PCDHGB2: variants seen among roughly 807,000 people sequenced by gnomAD.
PCDHGB2 encodes the protein protocadherin gamma-B2.
In PCDHGB2, 55 loss-of-function variants were observed where a neutral mutation model predicts 59.3. The observed-to-expected ratio is 0.93, with a 90% confidence interval of 0.75 to 1.16. The LOEUF is 1.16. Ranked by LOEUF, PCDHGB2 falls within the 50% of genes most tolerant of loss-of-function variation. The pLI, the probability that PCDHGB2 is intolerant of heterozygous loss-of-function variation, is 0.00. For missense variants in PCDHGB2, 1,228 were observed against 1,198.5 expected, an observed-to-expected ratio of 1.02 and a Z score of -0.36; for synonymous variants, 516 against 512.0, an observed-to-expected ratio of 1.01 and a Z score of -0.11.
chr5:141,420,301 CT>C, intron 1 of PCDHGB2: 1 of 1,462,308 alleles, frequency 6.8e-7, no homozygotes, highest in Non-Finnish European at 9.2e-7. Flanking sequence ...GTATTTAATC[CT>C]TTTTATATTA....
At chr5:141,450,364 T>G (rs2098678485) in intron 1 of PCDHGB2, among the ~76,000 whole-genome samples, 1 of 152,188 alleles carries the variant, frequency 6.6e-6, no homozygotes, top group Admixed American at 6.5e-5. Flanking sequence ...TCCTCAGCCT[T>G]GTTTGTTTAT....
At chr5:141,389,326 C>T (rs763831269) in intron 1 of PCDHGB2, 1 of 1,613,994 alleles carries the variant, frequency 6.2e-7, no homozygotes, top group Admixed American at 1.7e-5. Flanking sequence ...GACTTGGGGC[C>T]CAACGGCCAA....
chr5:141,460,912 G>GTGTA (rs145509489), intron 1 of PCDHGB2, among the ~76,000 whole-genome samples: 34,285 of 149,232 alleles, frequency 0.23, 4,672 homozygotes, highest in African/African-American at 0.39. Flanking sequence ...ATTCCATGGT[G>GTGTA]TATATATATA....
intron 3 of PCDHGB2, 149 bp downstream of exon 3, chr5:141,505,630 A>T: frequency 6.8e-7 from 1 of 1,480,262 alleles, no homozygotes; most frequent in East Asian, 2.4e-5. Flanking sequence ...AATTCCAAAC[A>T]TAAAGCCTGG....
Position 141,489,375 on chromosome 5 carries a change from G to C in PCDHGB2, c.2422-5432G>C. On this transcript the variant is annotated intron_variant, in intron 1 of 3. Coordinates refer to ENST00000522605, the MANE Select transcript of PCDHGB2 (RefSeq NM_018923.3). The surrounding 1 kb of genome is among the most constrained non-coding windows in gnomAD (Gnocchi z 4.5). ...AGGAGTCTGAGCCGGGGACGCTGGT[G>C]GGGAATGTTGCTCAGGATCTGGGCT... 1 of 1,613,826 alleles carries C rather than the reference G, an allele frequency of 6.2e-7. No homozygotes were observed.
At chr5:141,395,077 A>C (rs2093162583) in intron 1 of PCDHGB2, 1 of 1,614,024 alleles carries the variant, frequency 6.2e-7, no homozygotes, top group South Asian at 1.1e-5. Context: ...ACCTATTCCC[A>C]GGAAGTCTCC....
intron 1 of PCDHGB2, chr5:141,389,398 T>C (rs1384148422): frequency 1.2e-6 from 2 of 1,613,536 alleles, no homozygotes; most frequent in East Asian, 4.5e-5. Flanking sequence ...TACGTGTCCA[T>C]AAGCGCGGAG....
In PCDHGB2 at chr5:141,476,012, T is replaced by C. The variant is rs2099383969; in HGVS notation, c.2422-18795T>C. The stretch of plus-strand genomic sequence containing the variant: ...CAAATCAACGGCATCCAGAAAGCCA[T>C]GTCGGACTCGGCGCCCAGCGCCCAA... On this transcript the variant is annotated intron_variant, in intron 1 of 3. Coordinates refer to ENST00000522605, the MANE Select transcript of PCDHGB2 (RefSeq NM_018923.3). This position sits in a 1 kb window ranked among gnomAD's most constrained non-coding sequence, Gnocchi z 7.6. 7.6e-7 allele frequency: 1 copy of C among 1,317,178 alleles called. No individual in the cohort carries two copies. The highest frequency in any genetic ancestry group is 1.4e-5 in the South Asian group (1 of 69,696). The allele number at this position is 1,317,178 out of a possible 1,614,324, so 81.6% of individuals were successfully genotyped here. A position where few individuals can be genotyped will look rare whatever the true frequency, so the allele number is the denominator to read the frequency against.
Position 141,431,359 on chromosome 5 carries a change from G to A in PCDHGB2, c.2422-63448G>A. 1 of 1,614,024 alleles carries A rather than the reference G, an allele frequency of 6.2e-7. No homozygotes were observed. The highest frequency in any genetic ancestry group is 8.5e-7 in the Non-Finnish European group (1 of 1,180,030). On this transcript the variant is annotated intron_variant, in intron 1 of 3. Transcript: ENST00000522605. This position sits in a 1 kb window ranked among gnomAD's most constrained non-coding sequence, Gnocchi z 4.8. ...CCGAATTGGTGCTGAAACGCGCCCTGGACCGCGAAGAAAAGGCTGCTCACC... is the reference window on the plus strand; with the variant it reads ...CCGAATTGGTGCTGAAACGCGCCCTAGACCGCGAAGAAAAGGCTGCTCACC...
intron 1 of PCDHGB2, among the ~76,000 whole-genome samples, chr5:141,435,219 C>A (rs1226171884): frequency 6.6e-6 from 1 of 152,118 alleles, no homozygotes; most frequent in Non-Finnish European, 1.5e-5. Flanking sequence ...AATTTACTTT[C>A]TTTCAAAGTT....
chr5:141,390,101 CA>C (rs1212774339), intron 1 of PCDHGB2: 8 of 1,613,946 alleles, frequency 5.0e-6, no homozygotes, highest in Non-Finnish European at 6.8e-6. Flanking sequence ...TGGTTCCCCC[CA>C]ACTACAGCGA....
chr5:141,371,006 G>T, intron 1 of PCDHGB2: 1 of 1,613,750 alleles, frequency 6.2e-7, no homozygotes, highest in Non-Finnish European at 8.5e-7. Context: ...ACAGGGAAGA[G>T]CAGCCACATC....
At chr5:141,449,261 G>A (rs148515123) in intron 1 of PCDHGB2, among the ~76,000 whole-genome samples, 101 of 152,156 alleles carry the variant, frequency 6.6e-4, no homozygotes, top group Non-Finnish European at 1.3e-3. Flanking sequence ...ATTGTACAAA[G>A]AACTGTATCT....
chr5:141,394,724 G>T, intron 1 of PCDHGB2: 1 of 1,613,380 alleles, frequency 6.2e-7, no homozygotes, highest in Non-Finnish European at 8.5e-7. Flanking sequence ...ACAGAGATGC[G>T]CTCAAGCAGA....
chr5:141,413,804 C>A, intron 1 of PCDHGB2: 7 of 1,613,194 alleles, frequency 4.3e-6, no homozygotes, highest in Non-Finnish European at 5.9e-6. Context: ...GAGGAAGAGG[C>A]CATTCACCAC....
At chr5:141,427,480 A>G in intron 1 of PCDHGB2, 1 of 531,758 alleles carries the variant, frequency 1.9e-6, no homozygotes, top group South Asian at 1.5e-5. Context: ...GCCAATAATG[A>G]CTATAAGCTT....
In PCDHGB2 at chr5:141,366,241, G is replaced by T. The variant is rs762618712; in HGVS notation, c.2421+3685G>T. On this transcript the variant is annotated intron_variant, in intron 1 of 3. Transcript: ENST00000522605. ...CGCGAGCCCTGCTGGACAGAGACGC[G>T]CTCAAGCAGAGCCTCGTGGTGGCCG... The T allele has an allele frequency of 4.3e-6, 7 of 1,613,748 alleles. No individual in the cohort carries two copies. The South Asian group carries it at 5.5e-5, about 13-fold the overall frequency.
chr5:141,375,184 C>A (rs757225197), intron 1 of PCDHGB2: 23 of 1,613,856 alleles, frequency 1.4e-5, no homozygotes, highest in Middle Eastern at 1.6e-4. Context: ...CAGTAATCGC[C>A]CTTTTTCAAG....
intron 1 of PCDHGB2, chr5:141,389,039 AG>A: frequency 6.2e-7 from 1 of 1,613,988 alleles, no homozygotes; most frequent in Non-Finnish European, 8.5e-7. Context: ...GTAAATTGGA[AG>A]GTGATGTTCC....
Sources: gnomAD v4.1 joint callset for allele counts (sites outside exome capture counted in the v4.1 genomes callset) on GRCh38, gnomAD v4.1.1 for gene constraint, Gnocchi (gnomAD v3.1) non-coding constraint, MANE v1.5 for transcripts, NCBI Gene and HGNC (gene_info 2026-07-23, HGNC 2026-07-21) for gene names.